ANXA4: variants seen among roughly 807,000 people sequenced by gnomAD.
The protein encoded by ANXA4 is annexin A4, also known as 35-beta calcimedin.
In ANXA4, 39 loss-of-function variants were observed where a neutral mutation model predicts 49.8. The ratio of observed to expected loss-of-function variants is 0.78; its 90% CI spans 0.61 to 1.02. The LOEUF is 1.02. ANXA4 is among the 50% of genes least tolerant of loss of function. The probability of loss-of-function intolerance (pLI) is 0.00; values close to 1 mark genes in which losing one functional copy is unlikely to be tolerated. For missense variants in ANXA4, 360 were observed against 410.1 expected (o/e 0.88, Z 1.05); for synonymous variants, 134 against 152.5 (o/e 0.88, Z 0.89).
At chr2:69,805,235 A>C (rs944330849) in intron 4 of ANXA4, among the ~76,000 whole-genome samples, 1 of 152,140 alleles carries the variant, frequency 6.6e-6, no homozygotes, top group African/African-American at 2.4e-5. Flanking sequence ...CTTAAGAAAT[A>C]GTCATGAATG....
At chr2:69,672,892 G>A (rs181497336) in intron 2 of ANXA4, among the ~76,000 whole-genome samples, 104 of 151,710 alleles carry the variant, frequency 6.9e-4, no homozygotes, top group African/African-American at 2.4e-3. Flanking sequence ...TAGTCAATTA[G>A]TATACATAAC....
At chr2:69,803,912 C>T (rs1673324055) in intron 3 of ANXA4, among the ~76,000 whole-genome samples, 1 of 151,928 alleles carries the variant, frequency 6.6e-6, no homozygotes, top group Non-Finnish European at 1.5e-5. Flanking sequence ...CCGAGGAGGG[C>T]AGATCATTTG....
At chr2:69,649,414 T>C (rs1286278753) in intron 1 of ANXA4, among the ~76,000 whole-genome samples, 4 of 151,626 alleles carry the variant, frequency 2.6e-5, no homozygotes, top group Non-Finnish European at 5.9e-5. Flanking sequence ...GATCACATTA[T>C]ATATTTATAT....
At chr2:69,669,521 G>A (rs895132898) in intron 2 of ANXA4, among the ~76,000 whole-genome samples, 2 of 151,520 alleles carry the variant, frequency 1.3e-5, no homozygotes, top group Non-Finnish European at 2.9e-5. Flanking sequence ...TGAGGCAGGA[G>A]AATTGCTTGA....
At position 69,808,008 on chromosome 2, in the gene ANXA4, C is replaced by T; in HGVS notation, c.397+12C>T. ...AACCTACCAGCAGCGTACGTGACAT[C>T]CGCAGTGGCCCTGGCTGAGGTTTCG... is the stretch of plus-strand genomic sequence containing the variant. On this transcript the variant is annotated intron_variant, in intron 6 of 12. Coordinates refer to ENST00000394295, the MANE Select transcript of ANXA4 (RefSeq NM_001153.5). The T allele has an allele frequency of 6.2e-7, 1 of 1,613,094 alleles. No individual in the cohort carries two copies.
At chr2:69,700,955 C>G (rs1468302801) in intron 2 of ANXA4, among the ~76,000 whole-genome samples, 1 of 152,160 alleles carries the variant, frequency 6.6e-6, no homozygotes, top group Non-Finnish European at 1.5e-5. Context: ...TCACTACAAC[C>G]TCCGCCTCCC....
chr2:69,670,822 T>C (rs928569651), intron 2 of ANXA4, among the ~76,000 whole-genome samples: 1 of 151,890 alleles, frequency 6.6e-6, no homozygotes, highest in Non-Finnish European at 1.5e-5. Context: ...CTAAGGAGTT[T>C]GAGACCAGCC....
chr2:69,820,914 C>A, intron 12 of ANXA4, 93 bp downstream of exon 12: 1 of 1,337,952 alleles, frequency 7.5e-7, no homozygotes, highest in Non-Finnish European at 1.0e-6. Context: ...CTCTTCTTGG[C>A]ATATATCATT....
chr2:69,777,404 T>C (rs979879279), intron 1 of ANXA4, among the ~76,000 whole-genome samples: 7 of 152,194 alleles, frequency 4.6e-5, no homozygotes, highest in South Asian at 2.1e-4. Context: ...CCTATAGTTA[T>C]CTGGGGGCTT....
At position 69,773,502 on chromosome 2, in the gene ANXA4, A is replaced by G. The variant is rs576725302; in HGVS notation, c.-46-8018A>G. Among the ~76,000 whole-genome samples the G allele has an allele frequency of 2.6e-3, 400 of 152,176 alleles. 1 individual carries two copies. The highest frequency in any genetic ancestry group is 3.9e-3 in the Non-Finnish European group (267 of 68,034). ...TCACATGACATGAAACAGGGCCTCC[A>G]GACCAAGGACTGGCTAAGATCTGTG... On this transcript the variant is annotated intron_variant, in intron 1 of 12. Coordinates refer to ENST00000394295, the MANE Select transcript of ANXA4 (RefSeq NM_001153.5).
At chr2:69,816,302 A>AT (rs1673990929) in intron 9 of ANXA4, 108 bp downstream of exon 9, 1 of 848,288 alleles carries the variant, frequency 1.2e-6, no homozygotes, top group Admixed American at 2.1e-5. Flanking sequence ...CAAAGAACTG[A>AT]TTGTACCCAA....
intron 3 of ANXA4, among the ~76,000 whole-genome samples, chr2:69,792,121 G>A (rs1020491172): frequency 1.3e-5 from 2 of 152,156 alleles, no homozygotes; most frequent in African/African-American, 4.8e-5. Flanking sequence ...CCAGGGGTTA[G>A]GAAAGACAGA....
At chr2:69,659,148 T>G (rs914586416) in intron 2 of ANXA4, among the ~76,000 whole-genome samples, 6 of 152,236 alleles carry the variant, frequency 3.9e-5, no homozygotes, top group Admixed American at 1.3e-4. Flanking sequence ...TTCTTTTTTG[T>G]CTAAGCTCAT....
intron 2 of ANXA4, among the ~76,000 whole-genome samples, chr2:69,784,124 G>A (rs1672316079): frequency 6.6e-6 from 1 of 151,996 alleles, no homozygotes; most frequent in African/African-American, 2.4e-5. Flanking sequence ...TCCTTTGCCT[G>A]CTATCACAAT....
chr2:69,825,526 C>A lies in ANXA4; in HGVS notation c.*11C>A. 2 of 1,601,046 alleles carry A rather than the reference C, an allele frequency of 1.2e-6. No individual in the cohort carries two copies. The highest frequency in any genetic ancestry group is 2.7e-5 in the African/African-American group (2 of 74,154). ...GGAGGAGATGATTAAAATAAAAATCCCAGAAGGACAGGAGGATTCTCAACA... is the reference window on the plus strand; with the variant it reads ...GGAGGAGATGATTAAAATAAAAATCACAGAAGGACAGGAGGATTCTCAACA... On this transcript the variant is annotated 3_prime_UTR_variant, in exon 13 of 13. Transcript: ENST00000394295.
intron 12 of ANXA4, among the ~76,000 whole-genome samples, chr2:69,824,251 C>T (rs144039981): frequency 6.6e-6 from 1 of 151,962 alleles, no homozygotes; most frequent in African/African-American, 2.4e-5. Flanking sequence ...ACCTGTAATC[C>T]TAGTACTTTG....
At chr2:69,716,578 C>T (rs1264524570) in intron 2 of ANXA4, among the ~76,000 whole-genome samples, 1 of 151,948 alleles carries the variant, frequency 6.6e-6, no homozygotes, top group Non-Finnish European at 1.5e-5. Context: ...CAGGGAGCCC[C>T]CAAAGGGTTT....
chr2:69,687,004 G>A (rs1677813399), intron 2 of ANXA4, among the ~76,000 whole-genome samples: 1 of 152,240 alleles, frequency 6.6e-6, no homozygotes, highest in Non-Finnish European at 1.5e-5. Flanking sequence ...GGATGGCAGA[G>A]AACCAAAGTC....
chr2:69,797,886 C>T (rs1359047845), intron 3 of ANXA4, among the ~76,000 whole-genome samples: 1 of 152,194 alleles, frequency 6.6e-6, no homozygotes, highest in South Asian at 2.1e-4. Flanking sequence ...AAAGGGCAGA[C>T]AAGATTCCTC....
Sources: allele counts gnomAD v4.1 joint callset (sites outside exome capture counted in the v4.1 genomes callset), GRCh38; gene constraint gnomAD v4.1.1; transcripts MANE v1.5; gene names NCBI Gene and HGNC (gene_info 2026-07-23, HGNC 2026-07-21).